TNRC6A: variants seen among roughly 807,000 people sequenced by gnomAD.
The protein encoded by TNRC6A is trinucleotide repeat containing adaptor 6A, also known as trinucleotide repeat-containing gene 6A protein.
In TNRC6A, 44 loss-of-function variants were observed where a neutral mutation model predicts 221.2. The ratio of observed to expected loss-of-function variants is 0.20; its 90% CI spans 0.16 to 0.26. The LOEUF is 0.26. Among genes scored for constraint, TNRC6A ranks in the 10% least tolerant of loss-of-function variants. The pLI is 1.00. For missense variants in TNRC6A, 2,199 were observed against 2,404.4 expected (o/e 0.91, Z 1.79); for synonymous variants, 847 against 838.5 (o/e 1.01, Z -0.18).
At chr16:24,817,051 G>C in intron 20 of TNRC6A, 95 bp downstream of exon 20, 1 of 1,293,692 alleles carries the variant, frequency 7.7e-7, no homozygotes. Context: ...ACTGAGCCCA[G>C]GGTACTCTGG....
At chr16:24,773,717 C>T (rs1380942399) in intron 4 of TNRC6A, among the ~76,000 whole-genome samples, 2 of 152,022 alleles carry the variant, frequency 1.3e-5, no homozygotes, top group African/African-American at 2.4e-5. Context: ...CTTAATTGCT[C>T]ATATCTTTTT....
At chr16:24,722,795 GA>G (rs1200533887) in intron 2 of TNRC6A, among the ~76,000 whole-genome samples, 1 of 152,188 alleles carries the variant, frequency 6.6e-6, no homozygotes, top group Admixed American at 6.6e-5. Flanking sequence ...CAAAGAGAAT[GA>G]ATCTTTGGAG....
rs199786751 is a variant in TNRC6A at position 24,707,429 on chromosome 16, TA to T, written n.403-43292del. Among the ~76,000 whole-genome samples, 1,069 of 150,882 alleles carry T rather than the reference TA, an allele frequency of 7.1e-3. 15 individuals are homozygous for T. The highest frequency in any genetic ancestry group is 0.024 in the African/African-American group (1,003 of 41,154). On this transcript the variant is annotated intron_variant and non_coding_transcript_variant, in intron 2 of 2. Transcript: ENST00000566108. The stretch of plus-strand genomic sequence containing the variant: ...TAAGCCAGACACAAAACTCAGATGC[TA>T]AAAAGAAAAAATTAGCTACATAAAA...
At chr16:24,642,856 A>G (rs925032409) in intron 2 of TNRC6A, among the ~76,000 whole-genome samples, 17 of 151,536 alleles carry the variant, frequency 1.1e-4, no homozygotes, top group African/African-American at 3.9e-4. Context: ...CAGCCTAGGC[A>G]ATGTAGTGAG....
chr16:24,640,183 A>G (rs1418382360), intron 1 of TNRC6A, among the ~76,000 whole-genome samples: 1 of 151,820 alleles, frequency 6.6e-6, no homozygotes, highest in African/African-American at 2.4e-5. Context: ...GTGGATCCCT[A>G]GAGCTCAGGA....
intron 2 of TNRC6A, among the ~76,000 whole-genome samples, chr16:24,745,223 A>G (rs2056979203): frequency 6.6e-6 from 1 of 152,200 alleles, no homozygotes; most frequent in African/African-American, 2.4e-5. Context: ...AAACCGATCC[A>G]AATCTCCAAC....
rs1294232794 is a variant in TNRC6A at position 24,778,232 on chromosome 16, C to G, written c.589+874C>G. ...CAGGTTACTTAATTGCTCTATGTGC[C>G]TGAGCAGTCTTTCCTAACTGTGCCA... On this transcript the variant is annotated intron_variant, in intron 5 of 24. Transcript: ENST00000395799. 4.2e-6 allele frequency: 4 copies of G among 957,624 alleles called. No individual in the cohort carries two copies. The East Asian group carries it at 4.6e-4, about 111-fold the overall frequency. 59.3% of individuals were successfully genotyped at this position (957,624 alleles called of 1,614,324 possible).
intron 5 of TNRC6A, chr16:24,778,182 A>G (rs562439394): frequency 2.0e-6 from 1 of 492,426 alleles, no homozygotes; most frequent in South Asian, 8.8e-5. Context: ...CGGTGCCCCC[A>G]TATCCCAGTG....
intron 2 of TNRC6A, among the ~76,000 whole-genome samples, chr16:24,673,924 A>G (rs1286918406): frequency 6.6e-6 from 1 of 152,200 alleles, no homozygotes; most frequent in Non-Finnish European, 1.5e-5. Context: ...GTCAATGACA[A>G]AAGTCCTCAC....
At chr16:24,796,052 G>T (rs1228131724) in intron 9 of TNRC6A, 113 bp downstream of exon 9, 1 of 1,200,168 alleles carries the variant, frequency 8.3e-7, no homozygotes, top group East Asian at 2.4e-5. Context: ...GCTTGGTGCT[G>T]GGGATTCAAA....
chr16:24,742,567 T>C (rs1416436782), intron 2 of TNRC6A, among the ~76,000 whole-genome samples: 1 of 152,228 alleles, frequency 6.6e-6, no homozygotes, highest in African/African-American at 2.4e-5. Context: ...CAAGTAGGAC[T>C]GTTTTTTGTC....
chr16:24,766,224 C>T (rs2057468427), intron 4 of TNRC6A, among the ~76,000 whole-genome samples: 1 of 152,166 alleles, frequency 6.6e-6, no homozygotes, highest in Non-Finnish European at 1.5e-5. Flanking sequence ...CTGCCATTTA[C>T]TAGACGTTCG....
In TNRC6A at chr16:24,789,439, G is replaced by T. The variant is rs1008413951; in HGVS notation, c.797G>T (p.Arg266Ile). 1.2e-6 allele frequency: 2 copies of T among 1,614,200 alleles called. No individual in the cohort carries two copies. The highest frequency in any genetic ancestry group is 1.7e-6 in the Non-Finnish European group (2 of 1,180,030). ...ADSASSSESE[R>I]NITIMASGNT... ...TCTGCCTCCAGTTCTGAATCAGAGA[G>T]AAACATCACTATCATGGCTTCAGGG... is the stretch of plus-strand genomic sequence containing the variant. Residue 266 changes from arginine to isoleucine, a missense_variant, in exon 6 of 25, where the codon AGA becomes ATA. By Grantham distance (97) the Arg-to-Ile change is moderately conservative. Transcript: ENST00000395799.
At chr16:24,671,781 G>A (rs1398606048) in intron 2 of TNRC6A, among the ~76,000 whole-genome samples, 1 of 152,178 alleles carries the variant, frequency 6.6e-6, no homozygotes, top group Non-Finnish European at 1.5e-5. Flanking sequence ...AGGCCGAGGT[G>A]GGAGGATTGC....
chr16:24,803,154 C>G (rs1341224991), intron 11 of TNRC6A, among the ~76,000 whole-genome samples: 1 of 152,156 alleles, frequency 6.6e-6, no homozygotes, highest in Non-Finnish European at 1.5e-5. Flanking sequence ...TGCGGTGGCT[C>G]ACGTCTGTAA....
intron 5 of TNRC6A, among the ~76,000 whole-genome samples, chr16:24,783,369 T>C (rs1049920086): frequency 1.3e-5 from 2 of 152,166 alleles, no homozygotes; most frequent in African/African-American, 4.8e-5. Flanking sequence ...CCTCAGGTAA[T>C]ATGCCCACCT....
chr16:24,823,412 G>C lies in TNRC6A; in HGVS notation c.5514-20G>C, dbSNP rs1037139115. The C allele has an allele frequency of 6.3e-7, 1 of 1,591,966 alleles. No homozygotes were observed. Among genetic ancestry groups the C allele is most frequent in the South Asian group, 1.1e-5 (1 of 87,744 alleles). On this transcript the variant is annotated intron_variant, in intron 24 of 24. Coordinates refer to ENST00000395799, the MANE Select transcript of TNRC6A (RefSeq NM_014494.4). The surrounding 1 kb of genome is among the most constrained non-coding windows in gnomAD (Gnocchi z 4.3). ...CCTGGTGTGCTGTCCTCACGTGTCC[G>C]CGGTGCCTCTCTCCTCTAGGTGTGT...
intron 2 of TNRC6A, among the ~76,000 whole-genome samples, chr16:24,678,990 T>C (rs957659849): frequency 9.3e-5 from 12 of 128,900 alleles, no homozygotes; most frequent in Non-Finnish European, 1.7e-4. Flanking sequence ...CTTTAAAACA[T>C]TGAATTTTTT....
At position 24,796,505 on chromosome 16, in the gene TNRC6A, A is replaced by C. The variant is rs11865538; in HGVS notation, c.3561+566A>C. On this transcript the variant is annotated intron_variant, in intron 9 of 24. Coordinates refer to ENST00000395799, the MANE Select transcript of TNRC6A (RefSeq NM_014494.4). Reference sequence around the variant, plus strand: ...AGCTTGAGTTGGGAAATAAGAATGGATATATAGTGGAAGGGACTAATTTGA... The same window carrying C: ...AGCTTGAGTTGGGAAATAAGAATGGCTATATAGTGGAAGGGACTAATTTGA... 1,133 of 152,374 alleles carry C rather than the reference A, an allele frequency of 7.4e-3. 14 individuals carry two copies. Among genetic ancestry groups the C allele is most frequent in the African/African-American group, 0.026 (1,072 of 41,546 alleles). The allele number at this position is 152,374 out of a possible 1,614,324, so 9.4% of individuals were successfully genotyped here.
Sources: allele counts gnomAD v4.1 joint callset (sites outside exome capture counted in the v4.1 genomes callset), GRCh38; gene constraint gnomAD v4.1.1; non-coding constraint Gnocchi (gnomAD v3.1); transcripts MANE v1.5; gene names NCBI Gene and HGNC (gene_info 2026-07-23, HGNC 2026-07-21).